Variants in SLC44A2 observed in about 807,000 individuals in gnomAD.
SLC44A2 encodes choline transporter-like protein 2.
SLC44A2 carries 57 observed loss-of-function variants against 90.8 expected under a neutral mutation model. That is an observed-to-expected ratio of 0.63 (90% CI 0.51 to 0.78). The LOEUF (loss-of-function observed/expected upper bound fraction) is 0.78, where lower values mean the gene tolerates loss of function less well. Among genes scored for constraint, SLC44A2 ranks in the 30% least tolerant of loss-of-function variants. The probability of loss-of-function intolerance (pLI) is 0.00; values close to 1 mark genes in which losing one functional copy is unlikely to be tolerated. For missense variants in SLC44A2, 794 were observed against 919.7 expected (o/e 0.86, Z 1.77); for synonymous variants, 355 against 360.7 (o/e 0.98, Z 0.18).
intron 20 of SLC44A2, chr19:10,641,337 T>A: frequency 2.4e-6 from 1 of 414,898 alleles, no homozygotes; most frequent in Admixed American, 3.1e-5. Flanking sequence ...AAGGCTGCAG[T>A]GAGCTGAGAT....
At chr19:10,609,258 G>A (rs1002026262) in intron 1 of SLC44A2, among the ~76,000 whole-genome samples, 2 of 151,470 alleles carry the variant, frequency 1.3e-5, no homozygotes, top group African/African-American at 4.9e-5. Context: ...GCCCGGCCCA[G>A]CCTACATTTT....
chr19:10,638,026 G>C lies in SLC44A2; in HGVS notation c.1773G>C (p.Val591=). The part of the protein sequence containing the change: ...FFLLMRNIIR[V]AVLDKVTDFL... ...TGCCCCTCACTGTCCCCTGCAGAGT[G>C]GCTGTCCTGGATAAAGTTACTGACT... The change falls in exon 19 of 22, where the codon GTG becomes GTC. Residue 591 remains valine, a synonymous_variant. Coordinates refer to ENST00000335757, the MANE Select transcript of SLC44A2 (RefSeq NM_020428.4). 1 of 1,614,040 alleles carries C rather than the reference G, an allele frequency of 6.2e-7. No homozygotes were observed. The highest frequency in any genetic ancestry group is 8.5e-7 in the Non-Finnish European group (1 of 1,179,994).
chr19:10,634,341 G>A (rs550913106), intron 10 of SLC44A2, among the ~76,000 whole-genome samples: 42 of 151,182 alleles, frequency 2.8e-4, no homozygotes, highest in African/African-American at 8.2e-4. Flanking sequence ...GCGCATGCCT[G>A]TAATCCCAGC....
intron 1 of SLC44A2, among the ~76,000 whole-genome samples, chr19:10,607,015 C>G (rs1405655387): frequency 6.7e-6 from 1 of 150,328 alleles, no homozygotes; most frequent in Non-Finnish European, 1.5e-5. Context: ...GGGTTCACGC[C>G]ATTCTCCTGC....
chr19:10,608,650 TA>T lies in SLC44A2; in HGVS notation c.31+6090del, dbSNP rs1302816267. Among the ~76,000 whole-genome samples, 28 of 150,794 alleles carry T rather than the reference TA, an allele frequency of 1.9e-4. 1 individual carries two copies. Among genetic ancestry groups the T allele is most frequent in the Admixed American group, 1.3e-3 (19 of 15,054 alleles). On this transcript the variant is annotated intron_variant, in intron 1 of 21. Coordinates refer to the SLC44A2 transcript ENST00000407327. ...TTAGTATATATATATTTTATTTATT[TA>T]TTTATTTTTTTAATTTGAGACAGGG...
rs565791473 is a variant in SLC44A2, at chr19:10,642,559, C to T, written c.2014+108C>T. 1.1e-5 allele frequency: 12 copies of T among 1,087,688 alleles called. No individual in the cohort carries two copies. The South Asian group carries it at 1.1e-4, about 10-fold the overall frequency. 67.4% of individuals were successfully genotyped at this position (1,087,688 alleles called of 1,614,324 possible). A position where few individuals can be genotyped will look rare whatever the true frequency, so the allele number is the denominator to read the frequency against. On this transcript the variant is annotated intron_variant, in intron 21 of 21. Transcript: ENST00000335757. ...ACACGCTTGCCTGCCCCCAGCTTCC[C>T]CAGGGCTTGGCTGTCCCTCGTCCTG...
At chr19:10,631,802 C>T (rs2066998789) in intron 8 of SLC44A2, 53 bp downstream of exon 8, 1 of 1,614,042 alleles carries the variant, frequency 6.2e-7, no homozygotes, top group Non-Finnish European at 8.5e-7. Flanking sequence ...GTGGGACAGG[C>T]AATCCCCTGT....
At chr19:10,641,895 C>G (rs373694747) in intron 20 of SLC44A2, among the ~76,000 whole-genome samples, 1 of 151,544 alleles carries the variant, frequency 6.6e-6, no homozygotes, top group Non-Finnish European at 1.5e-5. Context: ...CGGTGGCTCA[C>G]GCCTGTAATC....
chr19:10,618,063 GGC>G (rs2066869419), intron 1 of SLC44A2, among the ~76,000 whole-genome samples: 2 of 152,106 alleles, frequency 1.3e-5, no homozygotes, highest in Admixed American at 1.3e-4. Flanking sequence ...GAAGTGCAGT[GGC>G]GTGATCTCGG....
At chr19:10,612,172 A>T (rs996413160) in intron 1 of SLC44A2, among the ~76,000 whole-genome samples, 2 of 151,892 alleles carry the variant, frequency 1.3e-5, no homozygotes, top group Admixed American at 1.3e-4. Flanking sequence ...ATTTTATACC[A>T]GCCTGGGCAA....
At chr19:10,611,311 G>T (rs1241363590) in intron 1 of SLC44A2, among the ~76,000 whole-genome samples, 1 of 152,056 alleles carries the variant, frequency 6.6e-6, no homozygotes, top group Non-Finnish European at 1.5e-5. Context: ...ATTTAGCCAG[G>T]CGTGGTGGCA....
chr19:10,636,658 G>T lies in SLC44A2; in HGVS notation c.1497-4G>T, dbSNP rs1022820889. Reference sequence around the variant, plus strand: ...CAGCCACCGACCACTCCCTCGGCCCGCAGGTACCACACAGGCTCCCTGGCC... The same window carrying T: ...CAGCCACCGACCACTCCCTCGGCCCTCAGGTACCACACAGGCTCCCTGGCC... On this transcript the variant is annotated splice_polypyrimidine_tract_variant and splice_region_variant and intron_variant, in intron 15 of 21. Transcript: ENST00000335757. The T allele has an allele frequency of 3.7e-6, 6 of 1,612,108 alleles. No individual in the cohort carries two copies. The African/African-American group carries it at 8.0e-5, about 22-fold the overall frequency.
Position 10,618,981 on chromosome 19 carries a change from TG to T in SLC44A2, c.32-7270del, listed in dbSNP as rs1407992153. The stretch of plus-strand genomic sequence containing the variant: ...TTCTTTTTTTTTTTTTTTTTTTTTT[TG>T]GATACAGGGTCACACTATGTCACCC... On this transcript the variant is annotated intron_variant, in intron 1 of 21. Transcript: ENST00000407327. Among the ~76,000 whole-genome samples the T allele has an allele frequency of 3.4e-3, 307 of 89,492 alleles. 5 individuals are homozygous for T. Among genetic ancestry groups the T allele is most frequent in the African/African-American group, 0.011 (278 of 24,936 alleles). 58.7% of individuals were successfully genotyped at this position (89,492 alleles called of 152,430 possible).
intron 4 of SLC44A2, 55 bp from the exon 5 acceptor site, chr19:10,631,002 T>A: frequency 7.6e-7 from 1 of 1,313,666 alleles, no homozygotes; most frequent in Admixed American, 2.1e-5. Flanking sequence ...CGAGACTCTG[T>A]CTCAAAAAAA....
At chr19:10,606,293 G>A (rs1171808953) in intron 1 of SLC44A2, among the ~76,000 whole-genome samples, 1 of 151,942 alleles carries the variant, frequency 6.6e-6, no homozygotes, top group African/African-American at 2.4e-5. Flanking sequence ...GGAAGACCCT[G>A]TCTCAAAATA....
intron 1 of SLC44A2, 104 bp downstream of exon 1, chr19:10,625,774 C>A: frequency 9.7e-7 from 1 of 1,029,580 alleles, no homozygotes; most frequent in Non-Finnish European, 1.3e-6. Context: ...AGGGGGAGCG[C>A]AATTGCAAAT....
Position 10,632,129 on chromosome 19 carries a change from A to G in SLC44A2, c.796A>G (p.Ile266Val), listed in dbSNP as rs775651328. Residue 266 changes from isoleucine (I) to valine (V), a missense_variant, in exon 10 of 22, where the codon ATC becomes GTC. Transcript: ENST00000335757. ...LAGIMVWVMI[I>V]MVILVLGYGI... ...TGGTATTATGGTCTGGGTGATGATC[A>G]TCATGGTGATTCTGGTGCTGGGCTA... is the stretch of plus-strand genomic sequence containing the variant. The G allele has an allele frequency of 6.2e-7, 1 of 1,614,076 alleles. No homozygotes were observed. The highest frequency in any genetic ancestry group is 8.5e-7 in the Non-Finnish European group (1 of 1,179,990).
At chr19:10,607,364 T>C (rs1432630850) in intron 1 of SLC44A2, among the ~76,000 whole-genome samples, 6 of 151,856 alleles carry the variant, frequency 4.0e-5, no homozygotes, top group African/African-American at 1.5e-4. Flanking sequence ...TTGTTGTTTA[T>C]ACACAGGGTC....
chr19:10,637,558 G>A (rs1473082145), intron 16 of SLC44A2, 86 bp from the exon 17 acceptor site: 2 of 1,235,036 alleles, frequency 1.6e-6, no homozygotes, highest in Non-Finnish European at 2.4e-6. Flanking sequence ...CTGGACATTG[G>A]CAAGTGTGTG....
Sources: gnomAD v4.1 joint callset for allele counts (sites outside exome capture counted in the v4.1 genomes callset) on GRCh38, gnomAD v4.1.1 for gene constraint, MANE v1.5 for transcripts, NCBI Gene and HGNC (gene_info 2026-07-23, HGNC 2026-07-21) for gene names.